FHIT: variants seen among roughly 807,000 people sequenced by gnomAD.
The protein encoded by FHIT is fragile histidine triad diadenosine triphosphatase.
A neutral mutation model predicts 17.9 loss-of-function variants in FHIT; 19 were observed. The ratio of observed to expected loss-of-function variants is 1.06; its 90% CI spans 0.74 to 1.56. The LOEUF (loss-of-function observed/expected upper bound fraction) is 1.56. Ranked by LOEUF, FHIT falls within the 40% of genes most tolerant of loss-of-function variation. The pLI is 0.00. For missense variants in FHIT, 248 were observed against 189.2 expected, an observed-to-expected ratio of 1.31 and a Z score of -1.82; for synonymous variants, 81 against 69.7, an observed-to-expected ratio of 1.16 and a Z score of -0.81.
rs559275856 is a variant in FHIT at position 60,363,677 on chromosome 3, C to T, written c.103+173183G>A. ...CCTCTGCGCTGTGTATCTCCTGTCC[C>T]CATCACTCCCCACTCTGCTCCACTG... is the stretch of plus-strand genomic sequence containing the variant. On this transcript the variant is annotated intron_variant, in intron 5 of 9. Transcript: ENST00000492590. Among the ~76,000 whole-genome samples the T allele has an allele frequency of 8.5e-5, 13 of 152,176 alleles. 1 individual carries two copies. In the South Asian group the frequency reaches 2.1e-3, roughly 24 times the overall value.
chr3:59,993,301 T>C (rs532947484), intron 7 of FHIT, among the ~76,000 whole-genome samples: 1 of 152,204 alleles, frequency 6.6e-6, no homozygotes, highest in African/African-American at 2.4e-5. Flanking sequence ...CTCACACACC[T>C]TCTTCACCTG....
At chr3:60,537,373 T>C (rs549480126) in intron 4 of FHIT, 3 of 621,134 alleles carry the variant, frequency 4.8e-6, no homozygotes, top group African/African-American at 4.0e-5. Context: ...GTATTAACTA[T>C]AAACCTTCTA....
At chr3:60,311,461 T>C (rs1270297920) in intron 5 of FHIT, among the ~76,000 whole-genome samples, 2 of 152,172 alleles carry the variant, frequency 1.3e-5, no homozygotes, top group African/African-American at 2.4e-5. Flanking sequence ...GGTCAAGATG[T>C]TGTCTGGTTT....
intron 5 of FHIT, among the ~76,000 whole-genome samples, chr3:60,164,424 C>T (rs972321645): frequency 1.3e-5 from 2 of 152,184 alleles, no homozygotes; most frequent in Non-Finnish European, 1.5e-5. Flanking sequence ...ACACACACCA[C>T]GACCTGACAT....
chr3:60,948,400 C>T (rs1463624215), intron 3 of FHIT, among the ~76,000 whole-genome samples: 1 of 152,182 alleles, frequency 6.6e-6, no homozygotes, highest in African/African-American at 2.4e-5. Context: ...GTATGTGACC[C>T]AGGGTTGAAC....
intron 8 of FHIT, among the ~76,000 whole-genome samples, chr3:59,831,814 A>G (rs184606084): frequency 9.9e-5 from 15 of 152,190 alleles, no homozygotes; most frequent in African/African-American, 3.1e-4. Context: ...AAAACAATAA[A>G]ACAAAACAAA....
rs1421657726 is a variant in FHIT, at chr3:61,201,157, G to T, written c.-212-492C>A. Among the ~76,000 whole-genome samples, 8 of 152,266 alleles carry T rather than the reference G, an allele frequency of 5.3e-5. No individual in the cohort carries two copies. In the South Asian group the frequency reaches 1.7e-3, roughly 32 times the overall value. ...CTCACCACTTGCTCCGTAAGTATAT[G>T]TGTGCATGATTACAGGGACAATCAC... On this transcript the variant is annotated intron_variant, in intron 1 of 9. Transcript: ENST00000492590.
intron 5 of FHIT, among the ~76,000 whole-genome samples, chr3:60,324,711 G>C (rs1335787748): frequency 1.3e-5 from 2 of 152,026 alleles, no homozygotes; most frequent in East Asian, 1.9e-4. Flanking sequence ...CCACTATATG[G>C]CTTGATTTGA....
intron 4 of FHIT, among the ~76,000 whole-genome samples, chr3:60,698,301 G>A (rs1308480349): frequency 6.6e-6 from 1 of 151,766 alleles, no homozygotes. Context: ...CACTCCATAA[G>A]AATGCAGATT....
At chr3:60,688,692 A>G (rs1351654897) in intron 4 of FHIT, among the ~76,000 whole-genome samples, 2 of 152,068 alleles carry the variant, frequency 1.3e-5, no homozygotes, top group East Asian at 3.9e-4. Flanking sequence ...TCAGCCTCCC[A>G]AAGTGCTGGG....
At chr3:60,328,512 T>TA (rs781198053) in intron 5 of FHIT, among the ~76,000 whole-genome samples, 12 of 152,056 alleles carry the variant, frequency 7.9e-5, no homozygotes, top group Non-Finnish European at 1.6e-4. Context: ...TTGTGAGACT[T>TA]ACTAACTAAC....
At chr3:59,953,326 G>A (rs1432701382) in intron 7 of FHIT, among the ~76,000 whole-genome samples, 3 of 151,790 alleles carry the variant, frequency 2.0e-5, no homozygotes, top group East Asian at 1.9e-4. Flanking sequence ...GTCTTCATGC[G>A]TGCATTGGGT....
chr3:60,891,042 T>C (rs1705491533), intron 3 of FHIT, among the ~76,000 whole-genome samples: 1 of 152,340 alleles, frequency 6.6e-6, no homozygotes, highest in Middle Eastern at 3.4e-3. Context: ...ATTTAATTGA[T>C]GCCAAAGACA....
chr3:60,229,856 C>T (rs942968740), intron 5 of FHIT, among the ~76,000 whole-genome samples: 5 of 152,096 alleles, frequency 3.3e-5, no homozygotes, highest in Non-Finnish European at 7.4e-5. Flanking sequence ...GTGATGCACG[C>T]CTATAATCCC....
intron 4 of FHIT, among the ~76,000 whole-genome samples, chr3:60,800,905 G>A (rs1701164557): frequency 6.6e-6 from 1 of 152,108 alleles, no homozygotes; most frequent in East Asian, 1.9e-4. Flanking sequence ...CCTCAATAGA[G>A]GGTTAATTCT....
intron 5 of FHIT, among the ~76,000 whole-genome samples, chr3:60,509,867 GT>G (rs2107541081): frequency 6.6e-6 from 1 of 152,244 alleles, no homozygotes; most frequent in Admixed American, 6.5e-5. Flanking sequence ...TTGTCTTACA[GT>G]TTTTTTGTTT....
At chr3:61,194,994 C>T (rs527947511) in intron 2 of FHIT, among the ~76,000 whole-genome samples, 10 of 107,038 alleles carry the variant, frequency 9.3e-5, no homozygotes, top group African/African-American at 2.3e-4. Flanking sequence ...AAGCAAGGGG[C>T]GAGGGGGGTG....
chr3:60,467,245 C>G (rs1464278392), intron 5 of FHIT, among the ~76,000 whole-genome samples: 1 of 106,696 alleles, frequency 9.4e-6, no homozygotes, highest in African/African-American at 6.0e-5. Flanking sequence ...TTTGGGTCTT[C>G]TCTTTTTTTC....
chr3:60,902,322 C>T (rs562409335), intron 3 of FHIT, among the ~76,000 whole-genome samples: 1 of 152,166 alleles, frequency 6.6e-6, no homozygotes, highest in African/African-American at 2.4e-5. Flanking sequence ...ATGCATATCT[C>T]AGTAATTTAT....
Sources: gnomAD v4.1 joint callset for allele counts (sites outside exome capture counted in the v4.1 genomes callset) on GRCh38, gnomAD v4.1.1 for gene constraint, MANE v1.5 for transcripts, NCBI Gene and HGNC (gene_info 2026-07-23, HGNC 2026-07-21) for gene names.